Variants in ATE1 observed in about 807,000 individuals in gnomAD.
ATE1 encodes arginyltransferase 1.
ATE1 carries 36 observed loss-of-function variants against 70.5 expected under a neutral mutation model. That is an observed-to-expected ratio of 0.51 (90% CI 0.39 to 0.67). ATE1 has a LOEUF of 0.67. Ranked by LOEUF, ATE1 falls within the 30% of genes least tolerant of loss-of-function variation. The probability of loss-of-function intolerance (pLI) is 0.00; values close to 1 mark genes in which losing one functional copy is unlikely to be tolerated. For missense variants in ATE1, 593 were observed against 629.5 expected, an observed-to-expected ratio of 0.94 and a Z score of 0.62; for synonymous variants, 232 against 219.3, an observed-to-expected ratio of 1.06 and a Z score of -0.51.
chr10:121,914,987 C>G (rs753402109), intron 3 of ATE1, among the ~76,000 whole-genome samples: 1 of 152,132 alleles, frequency 6.6e-6, no homozygotes, highest in Non-Finnish European at 1.5e-5. Flanking sequence ...ACACCCAAGA[C>G]CCACAGTAAA....
At chr10:121,912,911 G>GCTGTTGTTGAAACAGAGT (rs11272762) in intron 4 of ATE1, among the ~76,000 whole-genome samples, 1 of 151,286 alleles carries the variant, frequency 6.6e-6, no homozygotes. Flanking sequence ...ATTTTTTGTT[G>GCTGTTGTTGAAACAGAGT]CTCTGTCACC....
intron 10 of ATE1, among the ~76,000 whole-genome samples, chr10:121,828,247 A>G (rs1948103554): frequency 6.6e-6 from 1 of 152,244 alleles, no homozygotes. Context: ...GAGTGTGCAC[A>G]GCAAAACAGA....
chr10:121,905,562 C>A (rs1283780669), intron 5 of ATE1, among the ~76,000 whole-genome samples: 1 of 152,128 alleles, frequency 6.6e-6, no homozygotes, highest in African/African-American at 2.4e-5. Flanking sequence ...GGATTTCAGG[C>A]GGGGCTCAGT....
intron 7 of ATE1, among the ~76,000 whole-genome samples, chr10:121,887,510 C>T (rs1190710587): frequency 6.7e-6 from 1 of 148,536 alleles, no homozygotes; most frequent in Non-Finnish European, 1.5e-5. Context: ...AGGTGACCAG[C>T]CTGGACAACA....
chr10:121,927,314 CCA>C lies in ATE1; in HGVS notation c.106+528_106+529del, dbSNP rs201643289. On this transcript the variant is annotated intron_variant, in intron 1 of 11. Coordinates refer to ENST00000224652, the MANE Select transcript of ATE1 (RefSeq NM_001001976.3). The stretch of plus-strand genomic sequence containing the variant: ...CCCTCGCCGGTAGCGACCGCGGTCA[CCA>C]GTTTCTTGTCCTTTTTTTTTTTAAC... 1,334 of 985,124 alleles carry C rather than the reference CCA, an allele frequency of 1.4e-3. 27 individuals are homozygous for C. The African/African-American group carries it at 0.022, about 16-fold the overall frequency. The allele number at this position is 985,124 out of a possible 1,614,324, so 61.0% of individuals were successfully genotyped here.
intron 7 of ATE1, among the ~76,000 whole-genome samples, chr10:121,873,930 T>C (rs1030013217): frequency 1.3e-5 from 2 of 152,130 alleles, no homozygotes; most frequent in African/African-American, 4.8e-5. Flanking sequence ...GTGTCACTAT[T>C]TGCCAAAGTG....
intron 8 of ATE1, among the ~76,000 whole-genome samples, chr10:121,855,401 GGTTT>G (rs1949210107): frequency 6.6e-6 from 1 of 152,136 alleles, no homozygotes; most frequent in South Asian, 2.1e-4. Context: ...CAGAGAATCT[GGTTT>G]GTTAGTCCTT....
intron 8 of ATE1, among the ~76,000 whole-genome samples, chr10:121,861,641 C>T (rs1949474373): frequency 6.7e-6 from 1 of 148,870 alleles, no homozygotes; most frequent in Non-Finnish European, 1.5e-5. Context: ...GGAGATATAC[C>T]TAATGCTAGA....
chr10:121,776,290 T>C (rs947387408), intron 11 of ATE1, among the ~76,000 whole-genome samples: 1 of 151,978 alleles, frequency 6.6e-6, no homozygotes, highest in Non-Finnish European at 1.5e-5. Context: ...AACTGTATTT[T>C]TATTTCCATC....
chr10:121,767,746 T>C (rs1945334604), intron 11 of ATE1, among the ~76,000 whole-genome samples: 1 of 152,186 alleles, frequency 6.6e-6, no homozygotes, highest in African/African-American at 2.4e-5. Context: ...CTGTAAGTGT[T>C]GGTGAGGATA....
chr10:121,827,074 C>T lies in ATE1; in HGVS notation c.1257+9644G>A, dbSNP rs531374576. Among the ~76,000 whole-genome samples the T allele has an allele frequency of 2.7e-5, 4 of 150,882 alleles. No homozygotes were observed. In the East Asian group the frequency reaches 7.8e-4, roughly 29 times the overall value. ...CTGTCGCCAGGCTGGAGTGCAGTGGCGCAATCCCAGCTCACTGAAACCTCC... is the reference window on the plus strand; with the variant it reads ...CTGTCGCCAGGCTGGAGTGCAGTGGTGCAATCCCAGCTCACTGAAACCTCC... On this transcript the variant is annotated intron_variant, in intron 10 of 11. Coordinates refer to ENST00000224652, the MANE Select transcript of ATE1 (RefSeq NM_001001976.3).
At chr10:121,869,392 A>C (rs1029245523) in intron 8 of ATE1, among the ~76,000 whole-genome samples, 1 of 152,202 alleles carries the variant, frequency 6.6e-6, no homozygotes, top group African/African-American at 2.4e-5. Flanking sequence ...GCAGCTCATA[A>C]CGATATCTAG....
At chr10:121,835,690 T>C (rs994053992) in intron 10 of ATE1, among the ~76,000 whole-genome samples, 6 of 152,118 alleles carry the variant, frequency 3.9e-5, no homozygotes, top group Non-Finnish European at 7.4e-5. Context: ...GAAATTGTGA[T>C]TACATTTTCA....
intron 6 of ATE1, 130 bp from the exon 7 acceptor site, chr10:121,900,124 T>C: frequency 2.0e-6 from 2 of 1,000,374 alleles, no homozygotes; most frequent in East Asian, 2.7e-5. Context: ...AATATTTTAA[T>C]ATTAAAAACC....
At chr10:121,928,235 G>A (rs1952186418), upstream of ATE1, 5 of 1,368,482 alleles carry the variant, frequency 3.7e-6, no homozygotes, top group East Asian at 3.0e-5. Context: ...AGGATGGGGA[G>A]AGTCAAGAGG....
intron 10 of ATE1, among the ~76,000 whole-genome samples, chr10:121,791,657 A>G (rs369691975): frequency 2.0e-5 from 3 of 152,354 alleles, no homozygotes; most frequent in Admixed American, 6.5e-5. Context: ...GTTTTTTACT[A>G]CAACCCATAG....
At chr10:121,830,010 C>T (rs1590414605) in intron 10 of ATE1, among the ~76,000 whole-genome samples, 2 of 152,292 alleles carry the variant, frequency 1.3e-5, no homozygotes, top group Non-Finnish European at 2.9e-5. Flanking sequence ...TAGTTCTAGA[C>T]CTTCAATTTG....
chr10:121,744,766 C>T (rs1944281957), intron 11 of ATE1, among the ~76,000 whole-genome samples: 1 of 152,210 alleles, frequency 6.6e-6, no homozygotes, highest in Admixed American at 6.5e-5. Context: ...GTACACAGGT[C>T]ACCCAGACAA....
intron 6 of ATE1, 41 bp from the exon 7 acceptor site, chr10:121,900,035 A>C: frequency 6.2e-7 from 1 of 1,606,934 alleles, no homozygotes; most frequent in Non-Finnish European, 8.5e-7. Context: ...TAATTCATTC[A>C]TTTATTCATT....
Sources: gnomAD v4.1 joint callset for allele counts (sites outside exome capture counted in the v4.1 genomes callset) on GRCh38, gnomAD v4.1.1 for gene constraint, MANE v1.5 for transcripts, NCBI Gene and HGNC (gene_info 2026-07-23, HGNC 2026-07-21) for gene names.